The following TRPM3 variants were observed in gnomAD, a reference collection of about 807,000 sequenced individuals.
TRPM3 encodes transient receptor potential cation channel subfamily M member 3.
In TRPM3, 77 loss-of-function variants were observed where a neutral mutation model predicts 181.2. The observed-to-expected ratio is 0.42, with a 90% confidence interval of 0.35 to 0.51. The LOEUF is 0.51. Ranked by LOEUF, TRPM3 falls within the 20% of genes least tolerant of loss-of-function variation. The pLI is 0.01. For missense variants in TRPM3, 1,759 were observed against 2,196.7 expected (o/e 0.80, Z 3.98); for synonymous variants, 745 against 796.4 (o/e 0.94, Z 1.09).
At chr9:70,573,972 T>TCTCA (rs371401242) in intron 22 of TRPM3, among the ~76,000 whole-genome samples, 2 of 141,038 alleles carry the variant, frequency 1.4e-5, no homozygotes, top group Non-Finnish European at 3.0e-5. Context: ...GCAATTCATT[T>TCTCA]CACACACACA....
chr9:70,792,619 A>G (rs1356021039), intron 6 of TRPM3, among the ~76,000 whole-genome samples: 1 of 150,498 alleles, frequency 6.6e-6, no homozygotes, highest in Non-Finnish European at 1.5e-5. Flanking sequence ...GGGGAAACAA[A>G]GGGAGACAGG....
intron 1 of TRPM3, among the ~76,000 whole-genome samples, chr9:71,233,855 ACT>A (rs2081211373): frequency 6.6e-6 from 1 of 152,190 alleles, no homozygotes. Context: ...CTTTAATCAG[ACT>A]GAATAAAATC....
chr9:71,316,835 A>G (rs1197517916), intron 1 of TRPM3, among the ~76,000 whole-genome samples: 1 of 152,118 alleles, frequency 6.6e-6, no homozygotes, highest in Non-Finnish European at 1.5e-5. Context: ...AAGAAAATTG[A>G]TATCACTCAT....
intron 1 of TRPM3, among the ~76,000 whole-genome samples, chr9:71,423,457 T>C (rs2093812489): frequency 6.6e-6 from 1 of 152,100 alleles, no homozygotes. Context: ...TAACCATTCC[T>C]TTGTTTACTG....
At chr9:71,310,073 TA>T (rs2087769853) in intron 1 of TRPM3, among the ~76,000 whole-genome samples, 1 of 152,030 alleles carries the variant, frequency 6.6e-6, no homozygotes, top group South Asian at 2.1e-4. Context: ...AATAGAAAAT[TA>T]AAATGAGATC....
chr9:71,253,849 C>T (rs573543491), intron 1 of TRPM3, among the ~76,000 whole-genome samples: 162 of 152,202 alleles, frequency 1.1e-3, no homozygotes, highest in African/African-American at 1.5e-3. Flanking sequence ...AGTATATGTA[C>T]ACAATGGAAT....
At chr9:70,693,915 C>T (rs778310564) in intron 8 of TRPM3, among the ~76,000 whole-genome samples, 6 of 152,236 alleles carry the variant, frequency 3.9e-5, no homozygotes, top group Non-Finnish European at 8.8e-5. Flanking sequence ...ATACATTTTA[C>T]TTCTTCTTCC....
chr9:71,359,568 A>G (rs2092055822), intron 1 of TRPM3, among the ~76,000 whole-genome samples: 1 of 152,084 alleles, frequency 6.6e-6, no homozygotes. Flanking sequence ...TTTCAGTTTA[A>G]TTGCTAGCAA....
chr9:70,984,468 T>C (rs890549705), intron 1 of TRPM3, among the ~76,000 whole-genome samples: 8 of 152,204 alleles, frequency 5.3e-5, no homozygotes, highest in Non-Finnish European at 1.0e-4. Flanking sequence ...TTTCTCTTAA[T>C]CACAAAATTC....
intron 1 of TRPM3, among the ~76,000 whole-genome samples, chr9:71,401,436 C>T (rs2093339584): frequency 6.6e-6 from 1 of 152,032 alleles, no homozygotes; most frequent in Admixed American, 6.6e-5. Flanking sequence ...ATGGTTTTGG[C>T]AGGCCCAGAG....
intron 25 of TRPM3, among the ~76,000 whole-genome samples, chr9:70,547,953 T>A (rs1385658292): frequency 3.3e-5 from 5 of 152,270 alleles, no homozygotes; most frequent in Non-Finnish European, 5.9e-5. Context: ...TATTCACGTG[T>A]GCTGGTGCCT....
chr9:70,649,955 C>A (rs546298535), intron 9 of TRPM3, among the ~76,000 whole-genome samples: 4 of 152,280 alleles, frequency 2.6e-5, no homozygotes, highest in South Asian at 4.1e-4. Flanking sequence ...GGTATATATA[C>A]ACAATGGAAT....
At chr9:71,024,273 G>T (rs1042170626) in intron 1 of TRPM3, among the ~76,000 whole-genome samples, 5 of 152,104 alleles carry the variant, frequency 3.3e-5, no homozygotes, top group African/African-American at 4.8e-5. Flanking sequence ...ATACACCTAG[G>T]CATACCCATT....
intron 1 of TRPM3, among the ~76,000 whole-genome samples, chr9:71,336,331 A>G (rs937677273): frequency 6.6e-6 from 1 of 152,196 alleles, no homozygotes; most frequent in Non-Finnish European, 1.5e-5. Context: ...CAGCCAAATC[A>G]TGAGTGAACT....
At chr9:71,300,161 A>G (rs970478682) in intron 1 of TRPM3, among the ~76,000 whole-genome samples, 1 of 152,144 alleles carries the variant, frequency 6.6e-6, no homozygotes, top group African/African-American at 2.4e-5. Flanking sequence ...GTGAAATAGT[A>G]TTAATCATAG....
At chr9:71,270,738 C>A (rs540248993) in intron 1 of TRPM3, among the ~76,000 whole-genome samples, 54 of 152,276 alleles carry the variant, frequency 3.5e-4, no homozygotes, top group Non-Finnish European at 6.6e-4. Flanking sequence ...ATCTGTGTGA[C>A]CAGCAATATG....
chr9:70,957,864 C>T (rs1408029520), intron 1 of TRPM3, among the ~76,000 whole-genome samples: 1 of 152,134 alleles, frequency 6.6e-6, no homozygotes, highest in Non-Finnish European at 1.5e-5. Flanking sequence ...AAGCTTTGGC[C>T]TTTGTAAAAG....
chr9:71,060,828 G>A (rs573331060), intron 1 of TRPM3, among the ~76,000 whole-genome samples: 6 of 152,180 alleles, frequency 3.9e-5, no homozygotes, highest in African/African-American at 1.2e-4. Flanking sequence ...GGATATGGCT[G>A]CAAACAACAT....
At chr9:71,218,650 C>T (rs1407546202) in intron 1 of TRPM3, among the ~76,000 whole-genome samples, 1 of 152,224 alleles carries the variant, frequency 6.6e-6, no homozygotes, top group African/African-American at 2.4e-5. Flanking sequence ...TCATCCAACA[C>T]ACATAACACA....
Sources: gnomAD v4.1 joint callset for allele counts (sites outside exome capture counted in the v4.1 genomes callset) on GRCh38, gnomAD v4.1.1 for gene constraint, MANE v1.5 for transcripts, NCBI Gene and HGNC (gene_info 2026-07-23, HGNC 2026-07-21) for gene names.